Variants in GLRB observed in about 807,000 individuals in gnomAD.
The protein encoded by GLRB is glycine receptor beta.
GLRB carries 33 observed loss-of-function variants against 54.2 expected under a neutral mutation model. The observed-to-expected ratio is 0.61, with a 90% CI of 0.46 to 0.81. The LOEUF (loss-of-function observed/expected upper bound fraction) is 0.81, where lower values mean the gene tolerates loss of function less well. GLRB is among the 40% of genes least tolerant of loss of function. The probability of loss-of-function intolerance (pLI) is 0.00; values close to 1 mark genes in which losing one functional copy is unlikely to be tolerated. For synonymous variants in GLRB, 209 were observed against 208.2 expected, an observed-to-expected ratio of 1.00 and a Z score of -0.03; for missense variants, 572 against 584.6, an observed-to-expected ratio of 0.98 and a Z score of 0.22.
At chr4:157,150,544 C>T (rs370691406) in intron 8 of GLRB, among the ~76,000 whole-genome samples, 143 of 152,180 alleles carry the variant, frequency 9.4e-4, no homozygotes, top group African/African-American at 3.2e-3. Context: ...ACAAAGTCCT[C>T]TCTCTTTTCA....
chr4:157,159,841 G>A (rs1281977377), intron 9 of GLRB, among the ~76,000 whole-genome samples: 1 of 152,144 alleles, frequency 6.6e-6, no homozygotes, highest in Non-Finnish European at 1.5e-5. Context: ...GATGATGTTG[G>A]CCTCATTAAA....
chr4:157,101,310 A>G (rs893809194), intron 2 of GLRB, among the ~76,000 whole-genome samples: 2 of 152,082 alleles, frequency 1.3e-5, no homozygotes, highest in African/African-American at 2.4e-5. Flanking sequence ...TTGGTGACCT[A>G]TAATGTTCTG....
At chr4:157,137,268 T>C (rs1404001118) in intron 6 of GLRB, among the ~76,000 whole-genome samples, 2 of 152,154 alleles carry the variant, frequency 1.3e-5, no homozygotes, top group Non-Finnish European at 2.9e-5. Flanking sequence ...AAAAATATTC[T>C]GTAAATCCAA....
intron 1 of GLRB, chr4:157,076,629 A>T (rs950647811): frequency 2.0e-5 from 3 of 152,170 alleles, no homozygotes; most frequent in African/African-American, 7.2e-5. Flanking sequence ...CCTCCAGTCA[A>T]TGCAGCTGTC....
chr4:157,122,427 C>A, intron 4 of GLRB, 30 bp downstream of exon 4: 1 of 831,858 alleles, frequency 1.2e-6, no homozygotes, highest in South Asian at 1.6e-5. Context: ...AATATTTTGT[C>A]AAATATTTCA....
chr4:157,152,624 A>T (rs1737064007), intron 8 of GLRB, 94 bp from the exon 9 acceptor site: 1 of 948,318 alleles, frequency 1.1e-6, no homozygotes, highest in Admixed American at 1.7e-5. Flanking sequence ...GGGTCATTGG[A>T]AGTTACTGGA....
At chr4:157,087,769 G>A (rs1033475939) in intron 2 of GLRB, among the ~76,000 whole-genome samples, 3 of 150,846 alleles carry the variant, frequency 2.0e-5, no homozygotes, top group Non-Finnish European at 3.0e-5. Context: ...TAAGGAATTC[G>A]ACTTACTGAA....
intron 2 of GLRB, among the ~76,000 whole-genome samples, chr4:157,119,348 T>C (rs1294279392): frequency 6.6e-6 from 1 of 151,668 alleles, no homozygotes; most frequent in Non-Finnish European, 1.5e-5. Context: ...AACATCAGCA[T>C]GATTGCCTTA....
chr4:157,129,927 A>T (rs1378484212), intron 4 of GLRB, among the ~76,000 whole-genome samples: 3 of 151,724 alleles, frequency 2.0e-5, no homozygotes, highest in Non-Finnish European at 3.0e-5. Context: ...CAAACATGTT[A>T]CACTATATGC....
intron 2 of GLRB, among the ~76,000 whole-genome samples, chr4:157,101,991 T>C (rs1483887672): frequency 6.6e-6 from 1 of 152,206 alleles, no homozygotes; most frequent in East Asian, 1.9e-4. Flanking sequence ...AGAATTTAAA[T>C]TGTGTTTTCA....
chr4:157,090,997 A>G (rs190437489), intron 2 of GLRB, among the ~76,000 whole-genome samples: 2 of 152,274 alleles, frequency 1.3e-5, no homozygotes, highest in Admixed American at 6.5e-5. Context: ...TTTCCTAAAT[A>G]TTCAAATCTG....
chr4:157,154,371 T>G (rs1737142653), intron 9 of GLRB, among the ~76,000 whole-genome samples: 1 of 151,850 alleles, frequency 6.6e-6, no homozygotes, highest in Admixed American at 6.6e-5. Context: ...CTCTATGTTT[T>G]ATTTTTCTTT....
intron 2 of GLRB, among the ~76,000 whole-genome samples, chr4:157,094,760 A>G (rs1410987651): frequency 1.3e-5 from 2 of 152,186 alleles, no homozygotes; most frequent in African/African-American, 4.8e-5. Context: ...TGTTAGTGAA[A>G]GTTCAAAATG....
chr4:157,105,537 T>C (rs1735191882), intron 2 of GLRB, among the ~76,000 whole-genome samples: 1 of 152,096 alleles, frequency 6.6e-6, no homozygotes, highest in Non-Finnish European at 1.5e-5. Context: ...ATATTTGGTT[T>C]ATAATATTGT....
At chr4:157,165,892 T>C (rs1222259976) in intron 9 of GLRB, among the ~76,000 whole-genome samples, 1 of 152,058 alleles carries the variant, frequency 6.6e-6, no homozygotes, top group Admixed American at 6.5e-5. Context: ...GGAGATCTTT[T>C]AATGGTAATG....
chr4:157,154,875 TA>T (rs1268320086), intron 9 of GLRB, among the ~76,000 whole-genome samples: 3 of 152,216 alleles, frequency 2.0e-5, no homozygotes, highest in Non-Finnish European at 4.4e-5. Context: ...CACGATCTAC[TA>T]GTGTCATTAT....
intron 2 of GLRB, among the ~76,000 whole-genome samples, chr4:157,111,882 TC>T (rs1168136641): frequency 6.6e-6 from 1 of 152,040 alleles, no homozygotes; most frequent in Non-Finnish European, 1.5e-5. Context: ...AGTCCTCATC[TC>T]AACCTCTCAG....
At chr4:157,168,655 A>G (rs1454810039) in intron 9 of GLRB, among the ~76,000 whole-genome samples, 1 of 152,150 alleles carries the variant, frequency 6.6e-6, no homozygotes, top group Admixed American at 6.6e-5. Context: ...AGAAAGGTGA[A>G]CTTCTAGTTC....
chr4:157,170,330 A>G (rs1231368821), intron 9 of GLRB, 102 bp from the exon 10 acceptor site: 3 of 708,390 alleles, frequency 4.2e-6, no homozygotes, highest in South Asian at 1.7e-5. Flanking sequence ...ACATAAGCAA[A>G]TGCTTCTTGT....
Sources: allele counts gnomAD v4.1 joint callset (sites outside exome capture counted in the v4.1 genomes callset), GRCh38; gene constraint gnomAD v4.1.1; transcripts MANE v1.5; gene names NCBI Gene and HGNC (gene_info 2026-07-23, HGNC 2026-07-21).